The following WDR70 variants were observed in gnomAD, a reference collection of about 807,000 sequenced individuals.
The protein encoded by WDR70 is WD repeat-containing protein 70.
Under a neutral mutation model 88.6 loss-of-function variants are expected in WDR70, and 53 were observed. The ratio of observed to expected loss-of-function variants is 0.60; its 90% confidence interval spans 0.48 to 0.75. The LOEUF (loss-of-function observed/expected upper bound fraction) is 0.75, where lower values mean the gene tolerates loss of function less well. Among genes scored for constraint, WDR70 ranks in the 30% least tolerant of loss-of-function variants. WDR70 has a pLI of 0.00. For synonymous variants in WDR70, 280 were observed against 270.0 expected, an observed-to-expected ratio of 1.04 and a Z score of -0.36; for missense variants, 610 against 823.2, an observed-to-expected ratio of 0.74 and a Z score of 3.17.
chr5:37,740,159 A>G (rs1191035482), intron 17 of WDR70, among the ~76,000 whole-genome samples: 1 of 152,144 alleles, frequency 6.6e-6, no homozygotes, highest in Non-Finnish European at 1.5e-5. Flanking sequence ...CAGGGAAGAA[A>G]TCTCCTGGTT....
chr5:37,750,808 A>C (rs1471596998), intron 17 of WDR70, among the ~76,000 whole-genome samples: 1 of 152,204 alleles, frequency 6.6e-6, no homozygotes, highest in Non-Finnish European at 1.5e-5. Flanking sequence ...CTGTGAGTCC[A>C]TTAGACCTCT....
intron 9 of WDR70, among the ~76,000 whole-genome samples, chr5:37,573,650 G>A (rs1333091840): frequency 6.6e-6 from 1 of 151,018 alleles, no homozygotes; most frequent in East Asian, 2.0e-4. Context: ...TTGTCCTTGC[G>A]ATAGTGCCTC....
chr5:37,714,012 TGATA>T (rs932758369), intron 13 of WDR70, among the ~76,000 whole-genome samples: 2 of 152,212 alleles, frequency 1.3e-5, no homozygotes, highest in Non-Finnish European at 2.9e-5. Context: ...TTTTTGGAAA[TGATA>T]GATAGTGGTC....
At chr5:37,556,154 T>TC (rs1561900091) in intron 9 of WDR70, among the ~76,000 whole-genome samples, 1 of 149,540 alleles carries the variant, frequency 6.7e-6, no homozygotes, top group African/African-American at 2.4e-5. Context: ...TTTTTTTTTT[T>TC]CAAAAAGCAT....
At chr5:37,494,267 G>A (rs1240555887) in intron 8 of WDR70, among the ~76,000 whole-genome samples, 1 of 152,156 alleles carries the variant, frequency 6.6e-6, no homozygotes, top group Non-Finnish European at 1.5e-5. Context: ...TATTGGGATA[G>A]GGCCTTCAGT....
intron 17 of WDR70, among the ~76,000 whole-genome samples, chr5:37,736,628 CT>C (rs1248508283): frequency 6.7e-5 from 7 of 104,692 alleles, no homozygotes; most frequent in Non-Finnish European, 6.1e-5. Context: ...TTTTTTTTTT[CT>C]TTTTTTTTTG....
intron 9 of WDR70, among the ~76,000 whole-genome samples, chr5:37,537,353 C>T (rs1254511555): frequency 6.6e-6 from 1 of 152,060 alleles, no homozygotes; most frequent in Admixed American, 6.6e-5. Flanking sequence ...CAAAGGAGCA[C>T]AGGAATGGGA....
At chr5:37,727,542 AAG>A (rs1488674554) in intron 17 of WDR70, among the ~76,000 whole-genome samples, 2 of 152,140 alleles carry the variant, frequency 1.3e-5, no homozygotes, top group African/African-American at 4.8e-5. Context: ...ATTTACATTA[AAG>A]ATAGGTACTA....
intron 7 of WDR70, among the ~76,000 whole-genome samples, chr5:37,461,977 G>A (rs1403649814): frequency 6.6e-6 from 1 of 152,142 alleles, no homozygotes; most frequent in Non-Finnish European, 1.5e-5. Flanking sequence ...AGTTTCATAT[G>A]AGGCTGTTGC....
At chr5:37,470,622 T>A (rs1023369819) in intron 7 of WDR70, among the ~76,000 whole-genome samples, 1 of 152,202 alleles carries the variant, frequency 6.6e-6, no homozygotes, top group African/African-American at 2.4e-5. Context: ...TGATTATATT[T>A]ATAAAATATA....
chr5:37,527,673 A>G (rs1363629296), intron 9 of WDR70, among the ~76,000 whole-genome samples: 1 of 152,230 alleles, frequency 6.6e-6, no homozygotes, highest in East Asian at 1.9e-4. Context: ...AGCAAAAGAA[A>G]CTACCATCAG....
intron 10 of WDR70, among the ~76,000 whole-genome samples, chr5:37,654,094 T>C (rs1561052657): frequency 6.6e-6 from 1 of 152,216 alleles, no homozygotes; most frequent in South Asian, 2.1e-4. Context: ...GCTATAAATT[T>C]TCCTCTAAAT....
chr5:37,722,850 G>T lies in WDR70; in HGVS notation c.1518-5G>T. ...AAGAAAATAATTTGCTTTTACACCC[G>T]TTAGGGGAGCAAAATTATGTGTGGT... On this transcript the variant is annotated splice_region_variant and splice_polypyrimidine_tract_variant and intron_variant, in intron 14 of 17. Coordinates refer to ENST00000265107, the MANE Select transcript of WDR70 (RefSeq NM_018034.4). 6.2e-7 allele frequency: 1 copy of T among 1,613,306 alleles called. No individual in the cohort carries two copies. The highest frequency in any genetic ancestry group is 8.5e-7 in the Non-Finnish European group (1 of 1,179,540).
chr5:37,452,102 T>C (rs1320575013), intron 7 of WDR70, among the ~76,000 whole-genome samples: 1 of 152,182 alleles, frequency 6.6e-6, no homozygotes, highest in African/African-American at 2.4e-5. Context: ...ATTGTTCTAG[T>C]TTCTGATTGT....
At chr5:37,670,407 C>T (rs984465645) in intron 10 of WDR70, among the ~76,000 whole-genome samples, 1 of 152,114 alleles carries the variant, frequency 6.6e-6, no homozygotes. Context: ...CTACATTTCT[C>T]ATAAGCCAAA....
intron 9 of WDR70, among the ~76,000 whole-genome samples, chr5:37,587,122 T>C (rs1484453058): frequency 6.6e-6 from 1 of 152,102 alleles, no homozygotes; most frequent in Non-Finnish European, 1.5e-5. Context: ...CCTCTGGTCT[T>C]CCCTACTGCC....
At chr5:37,455,386 G>A (rs1348777598) in intron 7 of WDR70, among the ~76,000 whole-genome samples, 1 of 151,222 alleles carries the variant, frequency 6.6e-6, no homozygotes, top group Non-Finnish European at 1.5e-5. Context: ...CTGGGATTAA[G>A]GCACGCCACC....
intron 5 of WDR70, among the ~76,000 whole-genome samples, chr5:37,419,467 G>A (rs1749873985): frequency 6.6e-6 from 1 of 151,388 alleles, no homozygotes; most frequent in African/African-American, 2.4e-5. Context: ...GCCTCCCAAA[G>A]TGCTGGGATT....
intron 10 of WDR70, among the ~76,000 whole-genome samples, chr5:37,656,819 G>C (rs1745568283): frequency 6.6e-6 from 1 of 152,164 alleles, no homozygotes; most frequent in Non-Finnish European, 1.5e-5. Context: ...AGTGTCCTAG[G>C]TCAACTTCAG....
Sources: allele counts gnomAD v4.1 joint callset (sites outside exome capture counted in the v4.1 genomes callset), GRCh38; gene constraint gnomAD v4.1.1; transcripts MANE v1.5; gene names NCBI Gene and HGNC (gene_info 2026-07-23, HGNC 2026-07-21).